ATM: variants seen among roughly 807,000 people sequenced by gnomAD.
ATM encodes the protein ATM serine/threonine kinase.
A neutral mutation model predicts 387.0 loss-of-function variants in ATM; 308 were observed. That is an observed-to-expected ratio of 0.80 (90% CI 0.73 to 0.87). ATM has a LOEUF of 0.87. ATM is among the 40% of genes least tolerant of loss of function. The pLI is 0.00. For missense variants in ATM, 3,312 were observed against 3,560.9 expected (o/e 0.93, Z 1.78); for synonymous variants, 1,156 against 1,187.3 (o/e 0.97, Z 0.54).
At position 108,267,310 on chromosome 11, in the gene ATM, C is replaced by T. The variant is rs145513717; in HGVS notation, c.2606C>T (p.Ala869Val). The T allele has an allele frequency of 1.2e-5, 20 of 1,613,906 alleles. No homozygotes were observed. Among genetic ancestry groups the T allele is most frequent in the Non-Finnish European group, 1.5e-5 (18 of 1,179,972 alleles). The change falls in exon 17 of 63, where the codon GCA becomes GTA. Residue 869 changes from alanine to valine, a missense_variant. Coordinates refer to ENST00000675843, the MANE Select transcript of ATM (RefSeq NM_000051.4). Reference sequence around the variant, plus strand: ...TACCCTGATAGTAGTGTTAGTGATGCAAACGAACCTGGAGAGAGCCAAAGT... The same window carrying T: ...TACCCTGATAGTAGTGTTAGTGATGTAAACGAACCTGGAGAGAGCCAAAGT... ...NDYPDSSVSD[A>V]NEPGESQSTI...
intron 38 of ATM, chr11:108,308,643 G>A: frequency 4.5e-6 from 1 of 221,282 alleles, no homozygotes; most frequent in South Asian, 8.0e-5. Context: ...GAATAGGTAG[G>A]AATCGATGTC....
At chr11:108,305,125 A>G (rs961147647) in intron 37 of ATM, among the ~76,000 whole-genome samples, 5 of 152,252 alleles carry the variant, frequency 3.3e-5, no homozygotes, top group African/African-American at 4.8e-5. Flanking sequence ...TGAGCTTTCA[A>G]TATGTGTCAG....
At chr11:108,239,358 C>A (rs892307727) in intron 5 of ATM, among the ~76,000 whole-genome samples, 1 of 152,188 alleles carries the variant, frequency 6.6e-6, no homozygotes, top group Non-Finnish European at 1.5e-5. Context: ...ACCTATAATA[C>A]TTTGTTATAG....
intron 4 of ATM, among the ~76,000 whole-genome samples, chr11:108,232,526 CCTT>C (rs2079062346): frequency 8.7e-6 from 1 of 114,342 alleles, no homozygotes; most frequent in African/African-American, 3.6e-5. Flanking sequence ...TGATTTCTCT[CCTT>C]TTTTTTTTTT....
chr11:108,293,528 C>G (rs2082931173), intron 31 of ATM, 51 bp downstream of exon 31: 2 of 1,474,834 alleles, frequency 1.4e-6, no homozygotes, highest in Non-Finnish European at 1.9e-6. Context: ...CATAGTAGTA[C>G]TTTTCAAAAA....
chr11:108,333,934 T>G lies in ATM; in HGVS notation c.7976T>G (p.Leu2659Ter), dbSNP rs1565538536. 6.2e-7 allele frequency: 1 copy of G among 1,611,800 alleles called. No homozygotes were observed. Among genetic ancestry groups the G allele is most frequent in the South Asian group, 1.1e-5 (1 of 91,044 alleles). Residue 2659 changes from leucine (L) to a stop codon, truncating the protein, a stop_gained, in exon 54 of 63, where the codon TTA becomes TGA. Transcript: ENST00000675843. LOFTEE classifies it high-confidence loss of function. ...ADQPITKLKN[L>*]EDVVVPTMEI... ...CAGCCAATTACTAAACTTAAGAATT[T>G]AGAAGATGTTGTTGTCCCTACTATG...
chr11:108,243,362 C>CTG (rs1331452892), intron 5 of ATM, among the ~76,000 whole-genome samples: 3 of 151,766 alleles, frequency 2.0e-5, no homozygotes, highest in Admixed American at 2.0e-4. Flanking sequence ...CCCATAATCC[C>CTG]AGCACTTTGG....
rs200899512 is a variant in ATM at position 108,365,126 on chromosome 11, G to C, written c.8895G>C (p.Leu2965Phe). 6.2e-6 allele frequency: 10 copies of C among 1,614,020 alleles called. No homozygotes were observed. Among genetic ancestry groups the C allele is most frequent in the Non-Finnish European group, 8.5e-6 (10 of 1,180,016 alleles). Residue 2965 changes from leucine to phenylalanine, a missense_variant, in exon 62 of 63, where the codon TTG becomes TTC. By Grantham distance (22) the Leu-to-Phe change is conservative. Transcript: ENST00000675843. ...DPLFDWTMNP[L>F]KALYLQQRPE... The stretch of plus-strand genomic sequence containing the variant: ...TCTTTGACTGGACCATGAATCCTTT[G>C]AAAGCTTTGTATTTACAGCAGAGGC...
At chr11:108,242,566 ATGT>A (rs2079615229) in intron 5 of ATM, among the ~76,000 whole-genome samples, 1 of 152,160 alleles carries the variant, frequency 6.6e-6, no homozygotes, top group Admixed American at 6.5e-5. Flanking sequence ...ATTGTGAATA[ATGT>A]TATTTGGGGA....
At chr11:108,334,788 AAC>A (rs2086648112) in intron 54 of ATM, among the ~76,000 whole-genome samples, 179 bp from the exon 55 acceptor site, 2 of 152,198 alleles carry the variant, frequency 1.3e-5, no homozygotes, top group African/African-American at 4.8e-5. Flanking sequence ...TCTTTGATGA[AAC>A]AGTAGTTAAA....
intron 59 of ATM, among the ~76,000 whole-genome samples, chr11:108,351,688 G>A (rs988360724): frequency 8.5e-5 from 13 of 152,162 alleles, no homozygotes; most frequent in Non-Finnish European, 4.4e-5. Context: ...GGGGAAGGAA[G>A]TGGAAGTTAA....
rs570926968 is a variant in ATM at position 108,338,345 on chromosome 11, T to A, written c.8268+2384T>A. Among the ~76,000 whole-genome samples the A allele has an allele frequency of 3.3e-5, 5 of 151,992 alleles. No individual in the cohort carries two copies. In the South Asian group the frequency reaches 1.0e-3, roughly 31 times the overall value. On this transcript the variant is annotated intron_variant, in intron 56 of 62. Transcript: ENST00000675843. ...CCAGCCTGGGTGACAGACCGAGACTTCTTCTCAAAAAAGGAAAAATGTCTA... is the reference window on the plus strand; with the variant it reads ...CCAGCCTGGGTGACAGACCGAGACTACTTCTCAAAAAAGGAAAAATGTCTA...
At chr11:108,256,593 G>A (rs2080506409) in intron 14 of ATM, among the ~76,000 whole-genome samples, 1 of 152,054 alleles carries the variant, frequency 6.6e-6, no homozygotes, top group Non-Finnish European at 1.5e-5. Flanking sequence ...TAGATATACA[G>A]TGCCATGGTG....
chr11:108,278,372 A>G (rs1224153826), intron 22 of ATM, among the ~76,000 whole-genome samples: 1 of 152,208 alleles, frequency 6.6e-6, no homozygotes. Context: ...GTAATATAAG[A>G]CTGAATTGAA....
At chr11:108,291,208 C>G (rs1442917554) in intron 29 of ATM, among the ~76,000 whole-genome samples, 2 of 151,992 alleles carry the variant, frequency 1.3e-5, no homozygotes, top group Non-Finnish European at 2.9e-5. Context: ...TGCACTCCAG[C>G]CTGGGCGACA....
rs761629908 is a variant in ATM, at chr11:108,343,342, A to G, written c.8389A>G (p.Ser2797Gly). 5 of 1,613,978 alleles carry G rather than the reference A, an allele frequency of 3.1e-6. No homozygotes were observed. The highest frequency in any genetic ancestry group is 4.2e-6 in the Non-Finnish European group (5 of 1,179,860). Residue 2797 changes from serine to glycine, a missense_variant, in exon 57 of 63, where the codon AGT becomes GGT. Physicochemically the swap from Ser to Gly is moderately conservative, Grantham distance 56 (BLOSUM62 0). Coordinates refer to ENST00000675843, the MANE Select transcript of ATM (RefSeq NM_000051.4). ...AHKRYRPNDFSAFQCQKKMME... is the reference protein window; with the variant it reads ...AHKRYRPNDFGAFQCQKKMME... Reference sequence around the variant, plus strand: ...TAAAAGATACAGGCCAAATGATTTCAGTGCCTTTCAGTGCCAAAAGAAAAT... The same window carrying G: ...TAAAAGATACAGGCCAAATGATTTCGGTGCCTTTCAGTGCCAAAAGAAAAT...
At chr11:108,315,710 C>A in intron 40 of ATM, 113 bp from the exon 41 acceptor site, 2 of 762,492 alleles carry the variant, frequency 2.6e-6, no homozygotes, top group South Asian at 1.5e-5. Context: ...ATTTCTATAA[C>A]ATAACATTTA....
In ATM at chr11:108,251,196, A is replaced by T. The variant is rs184867623; in HGVS notation, c.1607+124A>T. ...TTAAAGATGTCAAATTCTATTTCAG[A>T]TGCTTTTCTTGTTTGGCCGAGAAGA... is the stretch of plus-strand genomic sequence containing the variant. On this transcript the variant is annotated intron_variant, in intron 10 of 62. Coordinates refer to ENST00000675843, the MANE Select transcript of ATM (RefSeq NM_000051.4). The T allele has an allele frequency of 2.6e-5, 38 of 1,437,944 alleles. No homozygotes were observed. In the Admixed American group the frequency reaches 5.8e-4, roughly 22 times the overall value. 89.1% of individuals were successfully genotyped at this position (1,437,944 alleles called of 1,614,324 possible). A position where few individuals can be genotyped will look rare whatever the true frequency, so the allele number is the denominator to read the frequency against.
intron 48 of ATM, 63 bp from the exon 49 acceptor site, chr11:108,328,958 G>A (rs758464186): frequency 2.4e-5 from 36 of 1,473,690 alleles, no homozygotes; most frequent in Non-Finnish European, 3.3e-5. Context: ...CTTAATTTGA[G>A]TGATTCTTTA....
Sources: gnomAD v4.1 joint callset for allele counts (sites outside exome capture counted in the v4.1 genomes callset) on GRCh38, gnomAD v4.1.1 for gene constraint, MANE v1.5 for transcripts, NCBI Gene and HGNC (gene_info 2026-07-23, HGNC 2026-07-21) for gene names.